GPM6A: variants seen among roughly 807,000 people sequenced by gnomAD.
GPM6A encodes glycoprotein M6A, also known as neuronal membrane glycoprotein M6-a.
GPM6A carries 7 observed loss-of-function variants against 32.1 expected under a neutral mutation model. That is an observed-to-expected ratio of 0.22 (90% CI 0.12 to 0.41). The LOEUF (loss-of-function observed/expected upper bound fraction) is 0.41. Ranked by LOEUF, GPM6A falls within the 10% of genes least tolerant of loss-of-function variation. GPM6A has a pLI of 1.00. For synonymous variants in GPM6A, 130 were observed against 123.4 expected, an observed-to-expected ratio of 1.05 and a Z score of -0.35; for missense variants, 235 against 347.2, an observed-to-expected ratio of 0.68 and a Z score of 2.57.
intron 2 of GPM6A, among the ~76,000 whole-genome samples, chr4:175,688,856 T>C (rs944682251): frequency 2.0e-5 from 3 of 152,152 alleles, no homozygotes; most frequent in African/African-American, 7.2e-5. Flanking sequence ...TTTTTGTTTG[T>C]TGGTTTGTTT....
rs1264160805 is a variant in GPM6A at position 175,702,687 on chromosome 4, T to G, written c.38-920A>C. On this transcript the variant is annotated intron_variant, in intron 1 of 6. Transcript: ENST00000393658. ...ACACCTCCGTGCCCCATTAATTTTT[T>G]TGTATTTTTAGTAGAGACAGGGTTT... Among the ~76,000 whole-genome samples, 3 of 152,148 alleles carry G rather than the reference T, an allele frequency of 2.0e-5. No individual in the cohort carries two copies. In the East Asian group the frequency reaches 5.8e-4, roughly 29 times the overall value.
chr4:175,710,451 CG>C (rs1745464649), intron 1 of GPM6A, among the ~76,000 whole-genome samples: 1 of 151,956 alleles, frequency 6.6e-6, no homozygotes, highest in African/African-American at 2.4e-5. Context: ...ACATATAAGT[CG>C]TTTTTTTCTT....
At chr4:175,957,968 C>T (rs528601874) in intron 1 of GPM6A, among the ~76,000 whole-genome samples, 5 of 152,348 alleles carry the variant, frequency 3.3e-5, no homozygotes, top group African/African-American at 1.2e-4. Context: ...TCCTGGCTCA[C>T]TGCAACCTCC....
chr4:175,645,999 A>G (rs1741443344), intron 4 of GPM6A, among the ~76,000 whole-genome samples: 1 of 152,232 alleles, frequency 6.6e-6, no homozygotes, highest in African/African-American at 2.4e-5. Flanking sequence ...GGATCTTTTC[A>G]TACCCTTCCT....
intron 1 of GPM6A, among the ~76,000 whole-genome samples, chr4:175,887,169 A>T (rs1250695702): frequency 1.3e-5 from 2 of 152,022 alleles, no homozygotes; most frequent in Non-Finnish European, 2.9e-5. Context: ...TTTTATAAAC[A>T]CCAATCAATT....
At chr4:175,669,715 A>G (rs187258484) in intron 3 of GPM6A, among the ~76,000 whole-genome samples, 103 of 152,338 alleles carry the variant, frequency 6.8e-4, no homozygotes, top group African/African-American at 2.2e-3. Context: ...CACAAAATTC[A>G]TATGATGAAA....
chr4:175,656,897 C>T (rs904843860), intron 3 of GPM6A, among the ~76,000 whole-genome samples: 2 of 152,106 alleles, frequency 1.3e-5, no homozygotes, highest in African/African-American at 4.8e-5. Flanking sequence ...ACATATGCCA[C>T]ATATTGAATG....
intron 1 of GPM6A, among the ~76,000 whole-genome samples, chr4:175,930,597 G>A (rs1419600192): frequency 6.6e-6 from 1 of 151,776 alleles, no homozygotes; most frequent in Non-Finnish European, 1.5e-5. Context: ...GCTTGGTGAG[G>A]TTCTTTTGAG....
chr4:175,720,265 G>A (rs1161699747), intron 1 of GPM6A, among the ~76,000 whole-genome samples: 3 of 152,084 alleles, frequency 2.0e-5, no homozygotes. Flanking sequence ...ATCCTTAAGA[G>A]GGCTCAGCCT....
At chr4:175,998,458 G>C (rs987363626) in intron 1 of GPM6A, among the ~76,000 whole-genome samples, 1 of 152,208 alleles carries the variant, frequency 6.6e-6, no homozygotes, top group Non-Finnish European at 1.5e-5. Flanking sequence ...ACCCGGCCTT[G>C]CTATCACTTC....
intron 1 of GPM6A, among the ~76,000 whole-genome samples, chr4:175,859,226 G>T (rs983183457): frequency 1.3e-5 from 2 of 152,236 alleles, no homozygotes; most frequent in African/African-American, 4.8e-5. Flanking sequence ...ATGTGTAGTT[G>T]TTGTATGTCA....
chr4:175,987,524 T>TTGTG (rs141045074), intron 1 of GPM6A, among the ~76,000 whole-genome samples: 70,414 of 148,514 alleles, frequency 0.47, 18,349 homozygotes, highest in Admixed American at 0.59. Context: ...TAAAGTGTGT[T>TTGTG]TGTGTGTGTG....
At chr4:175,783,848 T>C (rs62336049) in intron 1 of GPM6A, among the ~76,000 whole-genome samples, 4,990 of 152,182 alleles carry the variant, frequency 0.033, 113 homozygotes, top group Non-Finnish European at 0.05. Flanking sequence ...AGAATCATTC[T>C]ATTTGCATAG....
At chr4:175,778,635 A>T (rs1466592943) in intron 1 of GPM6A, among the ~76,000 whole-genome samples, 1 of 142,480 alleles carries the variant, frequency 7.0e-6, no homozygotes, top group African/African-American at 2.5e-5. Flanking sequence ...AACAAAAAAA[A>T]AAAAAAAAAA....
intron 3 of GPM6A, among the ~76,000 whole-genome samples, chr4:175,672,105 T>C (rs1051819740): frequency 2.0e-5 from 3 of 152,226 alleles, no homozygotes; most frequent in Admixed American, 1.3e-4. Context: ...TCTCTATATA[T>C]AGATATGCAA....
At chr4:175,930,436 TTTTTTG>T (rs1161122561) in intron 1 of GPM6A, among the ~76,000 whole-genome samples, 142 of 81,430 alleles carry the variant, frequency 1.7e-3, no homozygotes, top group African/African-American at 1.7e-3. Context: ...GGGGGGGGGT[TTTTTTG>T]TTGTTGTTTT....
chr4:175,835,777 AAT>A (rs1213819003), intron 1 of GPM6A, among the ~76,000 whole-genome samples: 1 of 143,618 alleles, frequency 7.0e-6, no homozygotes, highest in African/African-American at 2.7e-5. Context: ...AACATTATAT[AAT>A]AAAGCATATA....
At chr4:175,851,915 A>G (rs1736271611) in intron 1 of GPM6A, among the ~76,000 whole-genome samples, 1 of 135,648 alleles carries the variant, frequency 7.4e-6, no homozygotes, top group Admixed American at 7.6e-5. Context: ...GCCTTAAGAA[A>G]CAAAAAAAAG....
chr4:175,803,012 G>A (rs933192721), intron 1 of GPM6A, among the ~76,000 whole-genome samples: 9 of 152,018 alleles, frequency 5.9e-5, no homozygotes, highest in Middle Eastern at 3.2e-3. Context: ...CCCAAGCCAG[G>A]TTTAGCTGCT....
Sources: gnomAD v4.1 joint callset for allele counts (sites outside exome capture counted in the v4.1 genomes callset) on GRCh38, gnomAD v4.1.1 for gene constraint, MANE v1.5 for transcripts, NCBI Gene and HGNC (gene_info 2026-07-23, HGNC 2026-07-21) for gene names.